TMCO5A: variants seen among roughly 807,000 people sequenced by gnomAD.
TMCO5A encodes transmembrane and coiled-coil domains 5A.
Under a neutral mutation model 42.3 loss-of-function variants are expected in TMCO5A, and 34 were observed. The ratio of observed to expected loss-of-function variants is 0.80; its 90% CI spans 0.61 to 1.07. The LOEUF (loss-of-function observed/expected upper bound fraction) is 1.07. TMCO5A is among the 50% of genes least tolerant of loss of function. The pLI, the probability that TMCO5A is intolerant of heterozygous loss-of-function variation, is 0.00. For missense variants in TMCO5A, 357 were observed against 327.9 expected, an observed-to-expected ratio of 1.09 and a Z score of -0.69; for synonymous variants, 131 against 115.6, an observed-to-expected ratio of 1.13 and a Z score of -0.86.
the TMCO5A span, among the ~76,000 whole-genome samples, chr15:37,980,194 G>A: frequency 6.6e-6 from 1 of 151,730 alleles, no homozygotes; most frequent in East Asian, 1.9e-4. Flanking sequence ...CTGGTGGGGT[G>A]CAGTGGAGGT....
chr15:38,014,415 G>T, the TMCO5A span, among the ~76,000 whole-genome samples: 1 of 151,954 alleles, frequency 6.6e-6, no homozygotes, highest in African/African-American at 2.4e-5. Flanking sequence ...TTAATTTCAA[G>T]AAAATTTTGT....
intron 5 of TMCO5A, 46 bp from the exon 6 acceptor site, chr15:37,938,112 C>A: frequency 6.7e-7 from 1 of 1,489,648 alleles, no homozygotes; most frequent in South Asian, 1.2e-5. Context: ...AAAGTCTTTG[C>A]CTTCTACACC....
At chr15:37,972,038 G>A (rs552870161), downstream of TMCO5A, among the ~76,000 whole-genome samples, 3 of 152,184 alleles carry the variant, frequency 2.0e-5, no homozygotes, top group African/African-American at 4.8e-5. Flanking sequence ...CCACTCTACT[G>A]GTACCAATTT....
the TMCO5A span, among the ~76,000 whole-genome samples, chr15:38,031,153 T>A: frequency 1.6e-3 from 247 of 152,298 alleles, 1 homozygote; most frequent in African/African-American, 5.7e-3. Context: ...CTTGCACCCT[T>A]CAGGGAGAGT....
At chr15:37,988,329 C>G in the TMCO5A span, among the ~76,000 whole-genome samples, 6 of 151,846 alleles carry the variant, frequency 4.0e-5, no homozygotes, top group African/African-American at 1.4e-4. Flanking sequence ...AATTTAAATG[C>G]CTTTTTACTT....
chr15:37,950,987 C>T, intron 11 of TMCO5A, 49 bp from the exon 12 acceptor site: 1 of 1,545,890 alleles, frequency 6.5e-7, no homozygotes, highest in South Asian at 1.2e-5. Context: ...TTTTTTGTTC[C>T]AAGTTTTCTA....
the TMCO5A span, among the ~76,000 whole-genome samples, chr15:38,005,346 G>A: frequency 3.5e-5 from 5 of 142,074 alleles, no homozygotes; most frequent in East Asian, 2.1e-4. Flanking sequence ...GAAGCTGAGC[G>A]CAGGTGTTTG....
At chr15:37,991,788 A>C in the TMCO5A span, among the ~76,000 whole-genome samples, 1 of 152,202 alleles carries the variant, frequency 6.6e-6, no homozygotes, top group Non-Finnish European at 1.5e-5. Flanking sequence ...TGGTGCTGGG[A>C]TAACTGGCTA....
chr15:37,971,871 A>G (rs549353533), downstream of TMCO5A, among the ~76,000 whole-genome samples: 34 of 152,308 alleles, frequency 2.2e-4, no homozygotes, highest in South Asian at 1.2e-3. Context: ...TATCATTATC[A>G]GCATTTTGGT....
intron 11 of TMCO5A, among the ~76,000 whole-genome samples, chr15:37,958,389 A>C (rs992174688): frequency 6.6e-6 from 1 of 151,996 alleles, no homozygotes; most frequent in Middle Eastern, 3.4e-3. Flanking sequence ...TAAACAATTT[A>C]CAAGAAAAAC....
chr15:37,940,613 G>A (rs1595588413), intron 6 of TMCO5A, among the ~76,000 whole-genome samples: 1 of 151,998 alleles, frequency 6.6e-6, no homozygotes, highest in Admixed American at 6.6e-5. Context: ...CTCCCTACCA[G>A]AATGCCAGCT....
At chr15:37,954,683 AC>A (rs1421044937), downstream of TMCO5A, among the ~76,000 whole-genome samples, 10 of 152,130 alleles carry the variant, frequency 6.6e-5, no homozygotes, top group South Asian at 1.9e-3. Flanking sequence ...TGGTATGTAT[AC>A]TACCTTAAGT....
intron 8 of TMCO5A, 116 bp from the exon 9 acceptor site, chr15:37,942,075 T>C: frequency 1.1e-6 from 1 of 926,174 alleles, no homozygotes; most frequent in Non-Finnish European, 1.7e-6. Context: ...GCAGAGAAAG[T>C]GGCAGTGGGA....
chr15:37,999,857 C>A, the TMCO5A span, among the ~76,000 whole-genome samples: 4 of 152,144 alleles, frequency 2.6e-5, no homozygotes, highest in African/African-American at 9.7e-5. Flanking sequence ...ACCATCTTTG[C>A]ATCCCTGGAA....
the TMCO5A span, among the ~76,000 whole-genome samples, chr15:37,978,363 A>G: frequency 6.6e-6 from 1 of 152,162 alleles, no homozygotes; most frequent in Admixed American, 6.5e-5. Context: ...TGCCACTCAG[A>G]GCTCGGTCCT....
chr15:37,951,130 G>A lies in TMCO5A; in HGVS notation c.763G>A (p.Val255Ile), dbSNP rs199665571. 15 of 1,613,590 alleles carry A rather than the reference G, an allele frequency of 9.3e-6. No individual in the cohort carries two copies. Among genetic ancestry groups the A allele is most frequent in the East Asian group, 2.2e-5 (1 of 44,858 alleles). Residue 255 changes from valine (V) to isoleucine (I), a missense_variant, in exon 12 of 12, where the codon GTC (valine) becomes ATC (isoleucine). Coordinates refer to ENST00000319669, the MANE Select transcript of TMCO5A (RefSeq NM_152453.4). ...HVRFINPDLL[V>I]NVLPKVLGRS... Reference sequence around the variant, plus strand: ...AAGATTCATAAATCCAGATCTCCTCGTCAATGTACTGCCCAAGGTACTGGG... The same window carrying A: ...AAGATTCATAAATCCAGATCTCCTCATCAATGTACTGCCCAAGGTACTGGG...
the TMCO5A span, among the ~76,000 whole-genome samples, chr15:37,986,321 A>G: frequency 6.6e-6 from 1 of 152,076 alleles, no homozygotes; most frequent in Middle Eastern, 3.4e-3. Context: ...AATTTGAAAT[A>G]TAACTGAATA....
chr15:37,960,486 A>G (rs190308174), intron 11 of TMCO5A, among the ~76,000 whole-genome samples: 2 of 152,246 alleles, frequency 1.3e-5, no homozygotes, highest in East Asian at 3.9e-4. Flanking sequence ...TTGTGCTGCT[A>G]TAAACATGAG....
At chr15:37,940,275 C>T (rs140766855) in intron 6 of TMCO5A, among the ~76,000 whole-genome samples, 54 of 152,252 alleles carry the variant, frequency 3.5e-4, no homozygotes, top group Admixed American at 3.3e-3. Flanking sequence ...ACAATCTAGC[C>T]CCTGTCTACC....
Sources: gnomAD v4.1 joint callset for allele counts (sites outside exome capture counted in the v4.1 genomes callset) on GRCh38, gnomAD v4.1.1 for gene constraint, MANE v1.5 for transcripts, NCBI Gene and HGNC (gene_info 2026-07-23, HGNC 2026-07-21) for gene names.